The following ACAA2 variants were observed in gnomAD, a reference collection of about 807,000 sequenced individuals.
ACAA2 encodes the protein 3-ketoacyl-CoA thiolase, mitochondrial.
Under a neutral mutation model 44.8 loss-of-function variants are expected in ACAA2, and 35 were observed. The ratio of observed to expected loss-of-function variants is 0.78; its 90% CI spans 0.60 to 1.04. ACAA2 has a LOEUF of 1.04. Ranked by LOEUF, ACAA2 falls within the 50% of genes least tolerant of loss-of-function variation. The pLI, the probability that ACAA2 is intolerant of heterozygous loss-of-function variation, is 0.00. For missense variants in ACAA2, 468 were observed against 482.6 expected (o/e 0.97, Z 0.28); for synonymous variants, 142 against 166.5 (o/e 0.85, Z 1.13).
chr18:49,809,035 T>C (rs2023640078), intron 1 of ACAA2, among the ~76,000 whole-genome samples: 1 of 152,106 alleles, frequency 6.6e-6, no homozygotes, highest in Non-Finnish European at 1.5e-5. Context: ...CCCCCAGGAA[T>C]ACAATTCTTT....
intron 2 of ACAA2, among the ~76,000 whole-genome samples, chr18:49,802,435 G>A (rs1006192833): frequency 4.0e-5 from 6 of 151,850 alleles, no homozygotes; most frequent in Non-Finnish European, 5.9e-5. Context: ...GGTGGCACAC[G>A]CCTGTAATCC....
In ACAA2 at chr18:49,810,122, G is replaced by C. The variant is rs373753236; in HGVS notation, c.16+3347C>G. On this transcript the variant is annotated intron_variant, in intron 1 of 9. Coordinates refer to ENST00000285093, the MANE Select transcript of ACAA2 (RefSeq NM_006111.3). ...ACTAACAAGTTACAGTCATAGGAGA[G>C]GACAGAGAATGGATTTAAAAAAACA... Among the ~76,000 whole-genome samples the C allele has an allele frequency of 3.3e-5, 5 of 152,132 alleles. No homozygotes were observed. In the East Asian group the frequency reaches 5.8e-4, roughly 18 times the overall value.
intron 2 of ACAA2, among the ~76,000 whole-genome samples, chr18:49,799,476 C>T (rs1390629180): frequency 2.6e-5 from 4 of 152,214 alleles, no homozygotes; most frequent in African/African-American, 7.2e-5. Flanking sequence ...CTCGGCCTCC[C>T]GGGGTGCTGG....
At chr18:49,801,695 T>C (rs1175983711) in intron 2 of ACAA2, among the ~76,000 whole-genome samples, 5 of 150,532 alleles carry the variant, frequency 3.3e-5, no homozygotes, top group Admixed American at 6.6e-5. Context: ...CCTTTAGCAA[T>C]GATCACATCA....
chr18:49,807,025 G>A lies in ACAA2; in HGVS notation c.17-4172C>T, dbSNP rs117341851. 4.3e-3 allele frequency among the ~76,000 whole-genome samples: 655 copies of A among 152,214 alleles called. 1 individual carries two copies. The highest frequency in any genetic ancestry group is 7.9e-3 in the Non-Finnish European group (534 of 68,008). On this transcript the variant is annotated intron_variant, in intron 1 of 9. Coordinates refer to ENST00000285093, the MANE Select transcript of ACAA2 (RefSeq NM_006111.3). ...AAGGCAATTCACTGGAAAAAGGATC[G>A]TCTTTCCAACAAACAGTGCTGGAAC...
chr18:49,784,923 A>C (rs879731230), intron 9 of ACAA2, among the ~76,000 whole-genome samples: 4 of 152,140 alleles, frequency 2.6e-5, no homozygotes, highest in Non-Finnish European at 5.9e-5. Flanking sequence ...TTATCTGCTC[A>C]TGCAGTGAAC....
chr18:49,810,656 T>C (rs180987402), intron 1 of ACAA2, among the ~76,000 whole-genome samples: 2 of 151,902 alleles, frequency 1.3e-5, no homozygotes. Context: ...ACAGAGAAAA[T>C]GTTCTCAATC....
intron 4 of ACAA2, among the ~76,000 whole-genome samples, chr18:49,795,281 T>A (rs967735559): frequency 1.3e-5 from 2 of 152,218 alleles, no homozygotes; most frequent in African/African-American, 4.8e-5. Flanking sequence ...GATAAAAGAA[T>A]CAGTTTTTGT....
At position 49,784,807 on chromosome 18, in the gene ACAA2, T is replaced by C. The variant is rs185484667; in HGVS notation, c.1109+390A>G. 2.2e-4 allele frequency among the ~76,000 whole-genome samples: 33 copies of C among 152,320 alleles called. 1 individual carries two copies. In the East Asian group the frequency reaches 6.4e-3, roughly 29 times the overall value. On this transcript the variant is annotated intron_variant, in intron 9 of 9. Coordinates refer to ENST00000285093, the MANE Select transcript of ACAA2 (RefSeq NM_006111.3). ...CAGTTTGCTTAGATTTCATAAATTA[T>C]GGCATCTAGATCAGTACTCACTCAG...
At chr18:49,794,532 A>G (rs2023442908) in intron 4 of ACAA2, 105 bp from the exon 5 acceptor site, 1 of 954,052 alleles carries the variant, frequency 1.0e-6, no homozygotes, top group Admixed American at 3.8e-5. Context: ...CAAAAGTAAA[A>G]TTAAGACTTT....
intron 7 of ACAA2, among the ~76,000 whole-genome samples, chr18:49,790,335 G>A (rs887432425): frequency 1.3e-4 from 20 of 152,106 alleles, no homozygotes; most frequent in Non-Finnish European, 2.8e-4. Flanking sequence ...CTTCTCTGAG[G>A]GACATGGCAG....
intron 2 of ACAA2, among the ~76,000 whole-genome samples, chr18:49,798,132 G>A (rs1401073770): frequency 6.6e-6 from 1 of 152,192 alleles, no homozygotes; most frequent in Non-Finnish European, 1.5e-5. Context: ...ACATACTCAT[G>A]CTTAAGTTCC....
intron 1 of ACAA2, chr18:49,813,160 G>C (rs2023690996): frequency 3.3e-6 from 1 of 306,728 alleles, no homozygotes; most frequent in Non-Finnish European, 5.9e-6. Flanking sequence ...ACTTGGACTC[G>C]AACTAGTGGG....
At chr18:49,795,557 T>C (rs2023455362) in intron 4 of ACAA2, among the ~76,000 whole-genome samples, 1 of 152,198 alleles carries the variant, frequency 6.6e-6, no homozygotes, top group Admixed American at 6.5e-5. Flanking sequence ...AGATAGAATC[T>C]AATTTCATAT....
Position 49,797,565 on chromosome 18 carries a change from C to G in ACAA2, c.213G>C (p.Arg71Ser). ...QSSSDAIYLA[R>S]HVGLRVGIPK... ...GGATTCCCACACGCAAACCAACATG[C>G]CTTGCCAAATATATAGCATCTGAAG... is the stretch of plus-strand genomic sequence containing the variant. Residue 71 changes from arginine (R) to serine (S), a missense_variant, in exon 3 of 10, where the codon AGG becomes AGC. Coordinates refer to ENST00000285093, the MANE Select transcript of ACAA2 (RefSeq NM_006111.3). The G allele has an allele frequency of 2.5e-6, 4 of 1,611,610 alleles. No homozygotes were observed. The highest frequency in any genetic ancestry group is 2.5e-6 in the Non-Finnish European group (3 of 1,179,044).
At chr18:49,784,601 A>G (rs1159857533) in intron 9 of ACAA2, among the ~76,000 whole-genome samples, 1 of 152,194 alleles carries the variant, frequency 6.6e-6, no homozygotes, top group Non-Finnish European at 1.5e-5. Context: ...AGGGAGTCAG[A>G]GTAATTTTTC....
At chr18:49,803,804 A>G (rs1437453791) in intron 1 of ACAA2, among the ~76,000 whole-genome samples, 2 of 152,172 alleles carry the variant, frequency 1.3e-5, no homozygotes. Context: ...AATTCCTGAC[A>G]AAAGGTTCTC....
chr18:49,800,253 C>G (rs62100242), intron 2 of ACAA2, among the ~76,000 whole-genome samples: 77,362 of 134,496 alleles, frequency 0.58, 21,259 homozygotes, highest in Middle Eastern at 0.71. Context: ...CCAGCCGCCC[C>G]GTCCGGGAGG....
chr18:49,811,508 G>C (rs1436324624), intron 1 of ACAA2: 18 of 152,104 alleles, frequency 1.2e-4, no homozygotes, highest in Admixed American at 7.9e-4. Context: ...AAAAACCTAG[G>C]AGCCGGTTCT....
Sources: gnomAD v4.1 joint callset for allele counts (sites outside exome capture counted in the v4.1 genomes callset) on GRCh38, gnomAD v4.1.1 for gene constraint, MANE v1.5 for transcripts, NCBI Gene and HGNC (gene_info 2026-07-23, HGNC 2026-07-21) for gene names.